Variants in TIMM17B observed in about 807,000 individuals in gnomAD.
The protein encoded by TIMM17B is mitochondrial import inner membrane translocase subunit Tim17-B.
Under a neutral mutation model 15.9 loss-of-function variants are expected in TIMM17B, and 10 were observed. The observed-to-expected ratio is 0.63, with a 90% CI of 0.39 to 1.06. The LOEUF (loss-of-function observed/expected upper bound fraction) is 1.06, where lower values mean the gene tolerates loss of function less well. Ranked by LOEUF, TIMM17B falls within the 50% of genes least tolerant of loss-of-function variation. The pLI, the probability that TIMM17B is intolerant of heterozygous loss-of-function variation, is 0.01. For synonymous variants in TIMM17B, 57 were observed against 57.2 expected, an observed-to-expected ratio of 1.00 and a Z score of 0.02; for missense variants, 114 against 152.2, an observed-to-expected ratio of 0.75 and a Z score of 1.32.
Position 48,897,822 on chromosome X carries a change from C to G in TIMM17B, c.-72-1G>C. 8.5e-7 allele frequency: 1 copy of G among 1,179,396 alleles called. No individual in the cohort carries two copies. Among genetic ancestry groups the G allele is most frequent in the Non-Finnish European group, 1.1e-6 (1 of 879,304 alleles). ...GCACACCGGCGTCGGAGCTTTCCGCCTATTACCGGGCAGCGATTGGGTCGC... is the reference window on the plus strand; with the variant it reads ...GCACACCGGCGTCGGAGCTTTCCGCGTATTACCGGGCAGCGATTGGGTCGC... On this transcript the variant is annotated splice_acceptor_variant, in intron 1 of 6. Coordinates refer to ENST00000376582, the Ensembl canonical transcript of TIMM17B. LOFTEE classifies it low-confidence loss of function (5UTR_SPLICE).
At chrX:48,896,313 C>T (rs1053426204) in intron 3 of TIMM17B, 5 of 114,008 alleles carry the variant, frequency 4.4e-5, no homozygotes, top group Admixed American at 9.0e-5. Flanking sequence ...TACAAAAATT[C>T]GTCAGGTCTG....
In TIMM17B at chrX:48,893,878, C is replaced by T; in HGVS notation, c.430+22G>A. 2 of 1,191,727 alleles carry T rather than the reference C, an allele frequency of 1.7e-6. No homozygotes were observed. Among genetic ancestry groups the T allele is most frequent in the Non-Finnish European group, 2.3e-6 (2 of 880,026 alleles). On this transcript the variant is annotated intron_variant, in intron 6 of 6. Coordinates refer to ENST00000376582, the Ensembl canonical transcript of TIMM17B. ...GAGGCCAGGTGGAGTATTTCCCACTCCCCCGACCACCAGTTACTCACCATT... is the reference window on the plus strand; with the variant it reads ...GAGGCCAGGTGGAGTATTTCCCACTTCCCCGACCACCAGTTACTCACCATT...
In TIMM17B at chrX:48,897,718, C is replaced by T; in HGVS notation, c.26+6G>A. 1 of 1,204,305 alleles carries T rather than the reference C, an allele frequency of 8.3e-7. No homozygotes were observed. The highest frequency in any genetic ancestry group is 1.1e-6 in the Non-Finnish European group (1 of 889,235). ...ATATTCCGGATGCCTGTGCCCATTG[C>T]CGTACCAGGGCTCCCGAGCGTACTC... On this transcript the variant is annotated splice_donor_region_variant and intron_variant, in intron 2 of 6. Transcript: ENST00000376582.
chrX:48,897,946 C>G, intron 1 of TIMM17B, 178 bp from the exon 1 acceptor site: 1 of 882,254 alleles, frequency 1.1e-6, no homozygotes, highest in East Asian at 3.5e-5. Flanking sequence ...CTTTCAGGCT[C>G]GGGGAGTGAA....
chrX:48,896,407 C>G (rs2063312764), intron 3 of TIMM17B: 1 of 150,599 alleles, frequency 6.6e-6, no homozygotes, highest in South Asian at 1.7e-4. Flanking sequence ...TTGCAGTGAG[C>G]CAAGAGCGTG....
intron 3 of TIMM17B, 152 bp from the exon 3 acceptor site, chrX:48,895,253 C>A: frequency 2.0e-6 from 1 of 501,854 alleles, no homozygotes; most frequent in Non-Finnish European, 3.5e-6. Context: ...GCCTGGAGAG[C>A]GCCCCAACAT....
At chrX:48,897,846 G>A in intron 1 of TIMM17B, 78 bp from the exon 1 acceptor site, 1 of 1,110,907 alleles carries the variant, frequency 9.0e-7, no homozygotes, top group Non-Finnish European at 1.2e-6. Flanking sequence ...CGATTGGGTC[G>A]CTATACCGCA....
At position 48,896,314 on chromosome X, in the gene TIMM17B, G is replaced by A. The variant is rs148348132; in HGVS notation, c.126+445C>T. 793 of 115,250 alleles carry A rather than the reference G, an allele frequency of 6.9e-3. 2 individuals carry two copies. Among genetic ancestry groups the A allele is most frequent in the Non-Finnish European group, 0.01 (562 of 55,363 alleles). 9.5% of individuals were successfully genotyped at this position (115,250 alleles called of 1,213,427 possible). A position where few individuals can be genotyped will look rare whatever the true frequency, so the allele number is the denominator to read the frequency against. On this transcript the variant is annotated intron_variant, in intron 3 of 6. Coordinates refer to ENST00000376582, the Ensembl canonical transcript of TIMM17B. ...ATTTCTACTAAAATTACAAAAATTC[G>A]TCAGGTCTGGTGGCACATGCCTGTA...
Position 48,897,026 on chromosome X carries a change from A to AC in TIMM17B, c.27-169dup, listed in dbSNP as rs1404590443. ...TAGTTCTGTCACGCTTTTTCCACAC[A>AC]CCCCCCCATTAAAGCGAGAAATGGG... is the stretch of plus-strand genomic sequence containing the variant. On this transcript the variant is annotated intron_variant, in intron 2 of 6. Coordinates refer to ENST00000376582, the Ensembl canonical transcript of TIMM17B. The AC allele has an allele frequency of 8.7e-5, 89 of 1,021,436 alleles. 1 individual carries two copies. Among genetic ancestry groups the AC allele is most frequent in the Middle Eastern group, 6.6e-4 (2 of 3,047 alleles). 84.2% of individuals were successfully genotyped at this position (1,021,436 alleles called of 1,213,427 possible).
chrX:48,897,089 C>A, intron 2 of TIMM17B: 1 of 729,512 alleles, frequency 1.4e-6, no homozygotes, highest in Non-Finnish European at 1.9e-6. Context: ...CCCTGTCTAC[C>A]AACCAAGGAA....
chrX:48,895,755 A>C, intron 3 of TIMM17B: 1 of 304,866 alleles, frequency 3.3e-6, no homozygotes, highest in Non-Finnish European at 5.8e-6. Context: ...AAAAAGAATT[A>C]TGTTAAAAGA....
chrX:48,896,627 G>T, intron 3 of TIMM17B, 132 bp downstream of exon 2: 1 of 1,104,045 alleles, frequency 9.1e-7, no homozygotes, highest in South Asian at 2.3e-5. Context: ...GCCAGGCTCG[G>T]CACATAGTAG....
intron 3 of TIMM17B, 53 bp from the exon 3 acceptor site, chrX:48,895,154 C>A (rs1426773806): frequency 1.7e-5 from 17 of 1,013,288 alleles, no homozygotes; most frequent in South Asian, 6.7e-5. Context: ...CTGGCAGACA[C>A]GTTTCCAACT....
At chrX:48,897,795 A>G (rs3027519) in exon 2 of TIMM17B, 48 of 1,200,395 alleles carry the variant, frequency 4.0e-5, no homozygotes, top group South Asian at 2.9e-4. Context: ...CCCAGCGTAG[A>G]CGCACACCGG....
chrX:48,897,012 C>T (rs944523692), intron 2 of TIMM17B, 154 bp from the exon 2 acceptor site: 2 of 1,067,457 alleles, frequency 1.9e-6, no homozygotes, highest in South Asian at 4.8e-5. Flanking sequence ...AGTTCTGTCA[C>T]GCTTTTTCCA....
exon 6 of TIMM17B, chrX:48,893,988 G>A (rs994854910): frequency 1.7e-6 from 2 of 1,207,935 alleles, no homozygotes; most frequent in Admixed American, 2.2e-5. Flanking sequence ...TCATTGCTGA[G>A]CCCACCATGG....
chrX:48,897,798 C>A (rs370700670), exon 2 of TIMM17B: 2 of 1,198,644 alleles, frequency 1.7e-6, no homozygotes, highest in African/African-American at 3.5e-5. Flanking sequence ...AGCGTAGACG[C>A]ACACCGGCGT....
intron 4 of TIMM17B, 54 bp from the exon 4 acceptor site, chrX:48,894,279 C>T: frequency 2.6e-6 from 3 of 1,166,044 alleles, no homozygotes; most frequent in South Asian, 1.9e-5. Flanking sequence ...GAATTCACAT[C>T]TCAGGGGACT....
chrX:48,893,785 G>A, exon 7 of TIMM17B: 1 of 1,174,141 alleles, frequency 8.5e-7, no homozygotes, highest in Non-Finnish European at 1.1e-6. Flanking sequence ...TCCTTAGGGG[G>A]CAGCTGGCTG....
Sources: gnomAD v4.1 joint callset for allele counts on GRCh38, gnomAD v4.1.1 for gene constraint, MANE v1.5 for transcripts, NCBI Gene and HGNC (gene_info 2026-07-23, HGNC 2026-07-21) for gene names.